Variants in RYR3 observed in about 807,000 individuals in gnomAD.
The protein encoded by RYR3 is ryanodine receptor 3.
In RYR3, 207 loss-of-function variants were observed where a neutral mutation model predicts 584.3. The observed-to-expected ratio is 0.35, with a 90% CI of 0.32 to 0.40. RYR3 has a LOEUF of 0.40. Among genes scored for constraint, RYR3 ranks in the 10% least tolerant of loss-of-function variants. The pLI is 1.00. For missense variants in RYR3, 5,616 were observed against 6,089.2 expected, an observed-to-expected ratio of 0.92 and a Z score of 2.59; for synonymous variants, 2,416 against 2,248.5, an observed-to-expected ratio of 1.07 and a Z score of -2.11.
intron 1 of RYR3, among the ~76,000 whole-genome samples, chr15:33,389,695 T>C (rs947554269): frequency 2.0e-5 from 3 of 152,224 alleles, no homozygotes; most frequent in African/African-American, 7.2e-5. Flanking sequence ...ATCATAACCT[T>C]ATAAAATATA....
rs777439154 is a variant in RYR3 at position 33,825,607 on chromosome 15, C to T, written c.11077C>T (p.Leu3693Phe). 1.2e-6 allele frequency: 2 copies of T among 1,610,506 alleles called. No homozygotes were observed. Among genetic ancestry groups the T allele is most frequent in the South Asian group, 1.1e-5 (1 of 90,740 alleles). ...LSGLMQSCSVLDLNAFERQNK... is the reference protein window; with the variant it reads ...LSGLMQSCSVFDLNAFERQNK... ...TTTCTTTCTGTCTATTAAAAGTGTCCTTGATTTGAATGCATTTGAGAGGCA... is the reference window on the plus strand; with the variant it reads ...TTTCTTTCTGTCTATTAAAAGTGTCTTTGATTTGAATGCATTTGAGAGGCA... Residue 3693 changes from leucine to phenylalanine, a missense_variant, in exon 82 of 104, where the codon CTT (leucine) becomes TTT (phenylalanine). Coordinates refer to ENST00000634891, the MANE Select transcript of RYR3 (RefSeq NM_001036.6).
chr15:33,859,787 T>G (rs1023929573), intron 100 of RYR3, 56 bp downstream of exon 100: 1 of 1,516,106 alleles, frequency 6.6e-7, no homozygotes, highest in Non-Finnish European at 8.9e-7. Context: ...TCTTTTTGCT[T>G]TCTTCCATCT....
intron 69 of RYR3, among the ~76,000 whole-genome samples, chr15:33,804,021 G>C (rs955404088): frequency 6.6e-6 from 1 of 152,170 alleles, no homozygotes; most frequent in Non-Finnish European, 1.5e-5. Context: ...ACAAAGATGA[G>C]GTAGCAGAAA....
intron 60 of RYR3, among the ~76,000 whole-genome samples, chr15:33,766,257 T>A (rs2152878233): frequency 6.9e-6 from 1 of 145,524 alleles, no homozygotes; most frequent in Middle Eastern, 3.7e-3. Flanking sequence ...TACTCCAGCC[T>A]GGACAAGACA....
At chr15:33,717,590 T>C (rs2067592448) in intron 43 of RYR3, among the ~76,000 whole-genome samples, 1 of 152,212 alleles carries the variant, frequency 6.6e-6, no homozygotes, top group Non-Finnish European at 1.5e-5. Context: ...CTAAGTTGTG[T>C]AGGAGGAACT....
intron 46 of RYR3, among the ~76,000 whole-genome samples, chr15:33,728,385 C>A (rs1038489948): frequency 3.3e-5 from 5 of 152,192 alleles, no homozygotes; most frequent in Admixed American, 2.6e-4. Context: ...GTATTTGTTA[C>A]CTTTTTTAAA....
chr15:33,723,250 CG>C (rs1346001051), intron 44 of RYR3, among the ~76,000 whole-genome samples: 1 of 152,222 alleles, frequency 6.6e-6, no homozygotes, highest in Non-Finnish European at 1.5e-5. Flanking sequence ...TTTTGTCCCA[CG>C]GTGTCTCGTC....
chr15:33,844,162 C>T (rs2078561776), intron 92 of RYR3, among the ~76,000 whole-genome samples: 1 of 152,190 alleles, frequency 6.6e-6, no homozygotes. Context: ...CTACTTAAAA[C>T]CACCAATCTA....
intron 1 of RYR3, among the ~76,000 whole-genome samples, chr15:33,399,246 A>G (rs2042481558): frequency 6.6e-6 from 1 of 152,160 alleles, no homozygotes; most frequent in African/African-American, 2.4e-5. Context: ...TTGCTAGCCA[A>G]TTTAAAGGAC....
chr15:33,355,841 C>T lies in RYR3; in HGVS notation c.51+44745C>T, dbSNP rs1404993245. Among the ~76,000 whole-genome samples, 36 of 152,194 alleles carry T rather than the reference C, an allele frequency of 2.4e-4. 1 individual carries two copies. The highest frequency in any genetic ancestry group is 2.4e-3 in the Admixed American group (36 of 15,280). ...TTAGTATCTGTCTGATCCCTATACTCCCTAGGTTCCCGCCACACAATTCAG... is the reference window on the plus strand; with the variant it reads ...TTAGTATCTGTCTGATCCCTATACTTCCTAGGTTCCCGCCACACAATTCAG... On this transcript the variant is annotated intron_variant, in intron 1 of 103. Coordinates refer to ENST00000634891, the MANE Select transcript of RYR3 (RefSeq NM_001036.6).
intron 50 of RYR3, among the ~76,000 whole-genome samples, 175 bp downstream of exon 50, chr15:33,738,765 T>A (rs765210308): frequency 6.6e-6 from 1 of 152,204 alleles, no homozygotes; most frequent in Admixed American, 6.5e-5. Flanking sequence ...TCAAAATCCT[T>A]ATTTTACAGG....
At chr15:33,363,061 A>G (rs2141021902) in intron 1 of RYR3, among the ~76,000 whole-genome samples, 1 of 152,288 alleles carries the variant, frequency 6.6e-6, no homozygotes, top group Non-Finnish European at 1.5e-5. Context: ...CTTCCCCAAC[A>G]CAGCAACCTT....
intron 1 of RYR3, among the ~76,000 whole-genome samples, chr15:33,340,412 C>A (rs1971677760): frequency 6.6e-6 from 1 of 152,122 alleles, no homozygotes; most frequent in South Asian, 2.1e-4. Context: ...TGTAAAGATT[C>A]CTATCCAGAG....
At position 33,837,522 on chromosome 15, in the gene RYR3, G is replaced by T. The variant is rs117920466; in HGVS notation, c.11651-109G>T. The T allele has an allele frequency of 4.2e-6, 5 of 1,191,626 alleles. No homozygotes were observed. In the Admixed American group the frequency reaches 1.1e-4, roughly 27 times the overall value. The allele number at this position is 1,191,626 out of a possible 1,614,324, so 73.8% of individuals were successfully genotyped here. A position where few individuals can be genotyped will look rare whatever the true frequency, so the allele number is the denominator to read the frequency against. On this transcript the variant is annotated intron_variant, in intron 88 of 103. Coordinates refer to ENST00000634891, the MANE Select transcript of RYR3 (RefSeq NM_001036.6). ...CTCCTACATCATCACGGTCAGAGAA[G>T]AGCTGACTAATTTGGCACAAAAGTC...
rs552872767 is a variant in RYR3, at chr15:33,603,313, G to A, written c.2113G>A (p.Val705Ile). The A allele has an allele frequency of 6.2e-7, 1 of 1,613,250 alleles. No homozygotes were observed. The highest frequency in any genetic ancestry group is 1.3e-5 in the African/African-American group (1 of 75,034). The change falls in exon 18 of 104, where the codon GTT becomes ATT. Residue 705 changes from valine (V) to isoleucine (I), a missense_variant. Coordinates refer to ENST00000634891, the MANE Select transcript of RYR3 (RefSeq NM_001036.6). Reference sequence around the variant, plus strand: ...TGGAGAAGGATGGGGAGGCAATGGTGTTGGTGACGACCTGTACTCCTATGG... The same window carrying A: ...TGGAGAAGGATGGGGAGGCAATGGTATTGGTGACGACCTGTACTCCTATGG... ...GGGEGWGGNG[V>I]GDDLYSYGFD...
At chr15:33,467,560 A>G in intron 1 of RYR3, 1 of 752,300 alleles carries the variant, frequency 1.3e-6, no homozygotes, top group Non-Finnish European at 1.6e-6. Flanking sequence ...TTCTTTGGCC[A>G]GAGGACGGTA....
rs372684005 is a variant in RYR3, at chr15:33,621,686, G to A, written c.2358-2121G>A. On this transcript the variant is annotated intron_variant, in intron 19 of 103. Coordinates refer to ENST00000634891, the MANE Select transcript of RYR3 (RefSeq NM_001036.6). ...AATAGGAAACTGGGAGGTTTAGTAT[G>A]ATTTCTATAATTAATTTTAAAACAG... Among the ~76,000 whole-genome samples the A allele has an allele frequency of 2.6e-5, 4 of 152,034 alleles. No individual in the cohort carries two copies. The East Asian group carries it at 7.7e-4, about 29-fold the overall frequency.
intron 22 of RYR3, among the ~76,000 whole-genome samples, chr15:33,630,449 C>T (rs185665212): frequency 6.6e-6 from 1 of 152,336 alleles, no homozygotes; most frequent in East Asian, 1.9e-4. Context: ...CTAATTTAGA[C>T]TTTAACTTCT....
chr15:33,564,058 G>A (rs1241259911), intron 11 of RYR3, among the ~76,000 whole-genome samples: 2 of 152,156 alleles, frequency 1.3e-5, no homozygotes, highest in Non-Finnish European at 2.9e-5. Context: ...GTGCACTAAG[G>A]TGAGCCCACC....
Sources: gnomAD v4.1 joint callset for allele counts (sites outside exome capture counted in the v4.1 genomes callset) on GRCh38, gnomAD v4.1.1 for gene constraint, MANE v1.5 for transcripts, NCBI Gene and HGNC (gene_info 2026-07-23, HGNC 2026-07-21) for gene names.